NPIPA9: variants seen among roughly 807,000 people sequenced by gnomAD.
NPIPA9 encodes the protein nuclear pore complex-interacting protein family member A9.
At chr16:18,375,315 T>TA (rs1900592224) in intron 1 of NPIPA9, among the ~76,000 whole-genome samples, 2 of 147,746 alleles carry the variant, frequency 1.4e-5, no homozygotes, top group Non-Finnish European at 3.0e-5. Context: ...TTTTTTTTTT[T>TA]AGATGGAGTC....
intron 3 of NPIPA9, chr16:18,372,146 A>G (rs1340642851): frequency 1.6e-3 from 68 of 42,390 alleles, no homozygotes; most frequent in East Asian, 5.2e-3. Context: ...GGGGAGGGGA[A>G]GGGGAGGGGA....
intron 3 of NPIPA9, among the ~76,000 whole-genome samples, chr16:18,370,014 G>A (rs1411338209): frequency 7.0e-6 from 1 of 141,900 alleles, no homozygotes; most frequent in Non-Finnish European, 1.5e-5. Context: ...AAGGTGGGCT[G>A]GGCGTGGTGG....
At chr16:18,364,880 G>A (rs1179254508) in intron 4 of NPIPA9, among the ~76,000 whole-genome samples, 3 of 118,162 alleles carry the variant, frequency 2.5e-5, no homozygotes, top group Non-Finnish European at 5.2e-5. Flanking sequence ...GGTGGAGGTT[G>A]CAGTGAGCCG....
chr16:18,371,451 TAAAAA>T (rs778066038), intron 3 of NPIPA9, among the ~76,000 whole-genome samples: 10 of 56,634 alleles, frequency 1.8e-4, no homozygotes, highest in Non-Finnish European at 2.7e-4. Context: ...GACTCTGTCT[TAAAAA>T]AAAAAAAAAA....
intron 6 of NPIPA9, among the ~76,000 whole-genome samples, chr16:18,363,559 C>T (rs1299511803): frequency 1.5e-5 from 1 of 65,916 alleles, no homozygotes; most frequent in Non-Finnish European, 2.8e-5. Context: ...CCAAGCTACT[C>T]GGGAAGCCAA....
In NPIPA9 at chr16:18,369,980, G is replaced by A. The variant is rs1287152385; in HGVS notation, c.64-1594C>T. On this transcript the variant is annotated intron_variant, in intron 3 of 9. Transcript: ENST00000427999. ...ATTACTTCATTCACAAATAAGTATC[G>A]AATTTTAGTTCTTAAAAAGTAACAA... 2.8e-5 allele frequency among the ~76,000 whole-genome samples: 4 copies of A among 143,790 alleles called. No homozygotes were observed. The East Asian group carries it at 6.0e-4, about 21-fold the overall frequency. The allele number at this position is 143,790 out of a possible 152,430, so 94.3% of individuals were successfully genotyped here. A position where few individuals can be genotyped will look rare whatever the true frequency, so the allele number is the denominator to read the frequency against.
intron 2 of NPIPA9, among the ~76,000 whole-genome samples, chr16:18,374,310 TG>T (rs1370672950): frequency 6.6e-5 from 2 of 30,250 alleles, no homozygotes; most frequent in Non-Finnish European, 1.2e-4. Flanking sequence ...GGCACACGCC[TG>T]TAATCCCAGC....
intron 3 of NPIPA9, among the ~76,000 whole-genome samples, chr16:18,371,475 AAAG>A: frequency 7.2e-6 from 1 of 139,200 alleles, no homozygotes; most frequent in African/African-American, 2.6e-5. Flanking sequence ...AAAAAAAAAA[AAAG>A]TCATCAAACC....
intron 1 of NPIPA9, among the ~76,000 whole-genome samples, chr16:18,375,441 C>T (rs1900595856): frequency 7.3e-6 from 1 of 137,798 alleles, no homozygotes; most frequent in Non-Finnish European, 1.6e-5. Flanking sequence ...GCTGGGATTA[C>T]AGGTGCCTGC....
intron 1 of NPIPA9, 146 bp from the exon 2 acceptor site, chr16:18,375,215 C>A: frequency 1.9e-6 from 1 of 518,568 alleles, no homozygotes; most frequent in Non-Finnish European, 3.4e-6. Flanking sequence ...ACATCTGCAC[C>A]GTCCGTGATG....
chr16:18,365,265 ACT>A (rs1236766616), intron 4 of NPIPA9, among the ~76,000 whole-genome samples: 2 of 69,210 alleles, frequency 2.9e-5, no homozygotes, highest in African/African-American at 1.7e-4. Context: ...CAAAATTCAA[ACT>A]CTGTCTCAAA....
rs541655682 is a variant in NPIPA9 at position 18,371,431 on chromosome 16, G to A, written c.63+1292C>T. 7.4e-4 allele frequency: 130 copies of A among 176,564 alleles called. 2 individuals carry two copies. In the Middle Eastern group the frequency reaches 9.8e-3, roughly 13 times the overall value. 10.9% of individuals were successfully genotyped at this position (176,564 alleles called of 1,614,324 possible). On this transcript the variant is annotated intron_variant, in intron 3 of 9. Coordinates refer to ENST00000427999, the Ensembl canonical transcript of NPIPA9. The stretch of plus-strand genomic sequence containing the variant: ...CTTGCCACTGCACTCCAGCCTGGGC[G>A]ACAGAATGAGACTCTGTCTTAAAAA...
Position 18,375,162 on chromosome 16 carries a change from C to T in NPIPA9, c.-307-93G>A, listed in dbSNP as rs1473676225. The T allele has an allele frequency of 8.2e-5, 44 of 537,854 alleles. 9 individuals are homozygous for T. Among genetic ancestry groups the T allele is most frequent in the South Asian group, 5.8e-4 (29 of 50,250 alleles). 33.3% of individuals were successfully genotyped at this position (537,854 alleles called of 1,614,324 possible). On this transcript the variant is annotated intron_variant, in intron 1 of 9. Transcript: ENST00000427999. ...CCTCCTCAGCAGACAGGACAGAGCC[C>T]GGTGCCATCTGACAGAATGTCCTAG...
At chr16:18,375,361 A>G in intron 1 of NPIPA9, among the ~76,000 whole-genome samples, 1 of 147,218 alleles carries the variant, frequency 6.8e-6, no homozygotes, top group Non-Finnish European at 1.5e-5. Context: ...CACTGGCGCA[A>G]TCTCAGCTCA....
rs948089668 is a variant in NPIPA9 at position 18,369,885 on chromosome 16, C to T, written c.64-1499G>A. On this transcript the variant is annotated intron_variant, in intron 3 of 9. Coordinates refer to ENST00000427999, the Ensembl canonical transcript of NPIPA9. Reference sequence around the variant, plus strand: ...GAATCCCTCTAAATAATACTTCTCTCTTGGATTATATGAATCTTTGTCATT... The same window carrying T: ...GAATCCCTCTAAATAATACTTCTCTTTTGGATTATATGAATCTTTGTCATT... Among the ~76,000 whole-genome samples the T allele has an allele frequency of 2.8e-5, 4 of 142,098 alleles. No homozygotes were observed. The East Asian group carries it at 8.1e-4, about 29-fold the overall frequency. The allele number at this position is 142,098 out of a possible 152,430, so 93.2% of individuals were successfully genotyped here.
intron 4 of NPIPA9, 100 bp from the exon 5 acceptor site, chr16:18,364,734 G>T (rs1354048412): frequency 3.8e-5 from 1 of 26,592 alleles, no homozygotes; most frequent in East Asian, 8.0e-4. Flanking sequence ...ACGGGGTCAG[G>T]AGTTCAAGAC....
At position 18,375,162 on chromosome 16, in the gene NPIPA9, C is replaced by G. The variant is rs1473676225; in HGVS notation, c.-307-93G>C. The G allele has an allele frequency of 3.9e-5, 21 of 537,854 alleles. 7 individuals are homozygous for G. Among genetic ancestry groups the G allele is most frequent in the South Asian group, 3.6e-4 (18 of 50,250 alleles). 33.3% of individuals were successfully genotyped at this position (537,854 alleles called of 1,614,324 possible). A position where few individuals can be genotyped will look rare whatever the true frequency, so the allele number is the denominator to read the frequency against. On this transcript the variant is annotated intron_variant, in intron 1 of 9. Coordinates refer to ENST00000427999, the Ensembl canonical transcript of NPIPA9. ...CCTCCTCAGCAGACAGGACAGAGCCCGGTGCCATCTGACAGAATGTCCTAG... is the reference window on the plus strand; with the variant it reads ...CCTCCTCAGCAGACAGGACAGAGCCGGGTGCCATCTGACAGAATGTCCTAG...
chr16:18,371,472 A>G (rs1345548088), intron 3 of NPIPA9, among the ~76,000 whole-genome samples: 2 of 141,316 alleles, frequency 1.4e-5, no homozygotes, highest in Non-Finnish European at 3.1e-5. Flanking sequence ...AAAAAAAAAA[A>G]AAAAAGTCAT....
In NPIPA9 at chr16:18,371,508, A is replaced by G. The variant is rs1204906654; in HGVS notation, c.63+1215T>C. On this transcript the variant is annotated intron_variant, in intron 3 of 9. Coordinates refer to ENST00000427999, the Ensembl canonical transcript of NPIPA9. Reference sequence around the variant, plus strand: ...CAAACCAGATGACACAAATGAAATGACATTTCACTTTGTTTTGGTCCGTTT... The same window carrying G: ...CAAACCAGATGACACAAATGAAATGGCATTTCACTTTGTTTTGGTCCGTTT... 1.5e-5 allele frequency among the ~76,000 whole-genome samples: 2 copies of G among 130,590 alleles called. 1 individual carries two copies. Among genetic ancestry groups the G allele is most frequent in the Non-Finnish European group, 3.3e-5 (2 of 60,390 alleles). 85.7% of individuals were successfully genotyped at this position (130,590 alleles called of 152,430 possible). A position where few individuals can be genotyped will look rare whatever the true frequency, so the allele number is the denominator to read the frequency against.
Sources: gnomAD v4.1 joint callset for allele counts (sites outside exome capture counted in the v4.1 genomes callset) on GRCh38, gnomAD v4.1.1 for gene constraint, MANE v1.5 for transcripts, NCBI Gene and HGNC (gene_info 2026-07-23, HGNC 2026-07-21) for gene names.